Variants in ZNF630 observed in about 807,000 individuals in gnomAD.
ZNF630 encodes zinc finger protein 630.
A neutral mutation model predicts 7.2 loss-of-function variants in ZNF630; 5 were observed. The observed-to-expected ratio is 0.70, with a 90% CI of 0.36 to 1.46. The LOEUF (loss-of-function observed/expected upper bound fraction) is 1.46. Among genes scored for constraint, ZNF630 ranks in the 40% most tolerant of loss-of-function variants. The pLI, the probability that ZNF630 is intolerant of heterozygous loss-of-function variation, is 0.03. For synonymous variants in ZNF630, 158 were observed against 162.8 expected (o/e 0.97, Z 0.23); for missense variants, 461 against 477.0 (o/e 0.97, Z 0.31).
chrX:48,070,660 CAG>C (rs1181498000), intron 1 of ZNF630, among the ~76,000 whole-genome samples: 1 of 103,348 alleles, frequency 9.7e-6, no homozygotes, highest in Non-Finnish European at 2.0e-5. Context: ...AAGAAAAGGG[CAG>C]AGAGTCCAAC....
chrX:48,061,094 C>T (rs2059103579), intron 2 of ZNF630, 149 bp from the exon 3 acceptor site: 5 of 384,150 alleles, frequency 1.3e-5, no homozygotes, highest in Admixed American at 5.1e-5. Context: ...GTTAGTGGAA[C>T]AGAACAGACA....
chrX:48,063,170 GA>G (rs1556909515), intron 2 of ZNF630, among the ~76,000 whole-genome samples: 1 of 100,100 alleles, frequency 1.0e-5, no homozygotes, highest in Non-Finnish European at 2.0e-5. Context: ...GATACAGCAG[GA>G]AAAAAAACCT....
At chrX:48,069,841 G>GTTTTTTTTTTTTTTTT (rs1210374790) in intron 1 of ZNF630, among the ~76,000 whole-genome samples, 6 of 41,098 alleles carry the variant, frequency 1.5e-4, no homozygotes, top group Non-Finnish European at 2.2e-4. Context: ...GACATTGTCT[G>GTTTTTTTTTTTTTTTT]TTTTTTTTTT....
rs1349888550 is a variant in ZNF630 at position 48,060,533 on chromosome X, A to G, written c.155T>C (p.Ile52Thr). The G allele has an allele frequency of 8.3e-7, 1 of 1,201,907 alleles. No individual in the cohort carries two copies. Among genetic ancestry groups the G allele is most frequent in the African/African-American group, 1.8e-5 (1 of 57,134 alleles). Reference protein sequence around the residue: ...NHLVSVGCSGIKPDVIFKLEH... With the variant: ...NHLVSVGCSGTKPDVIFKLEH... ...CAACTTAAAGATTACATCTGGTTTT[A>G]TACCTGAACACCCTGTTAAGAGAAA... is the stretch of plus-strand genomic sequence containing the variant. The change falls in exon 4 of 5, where the codon ATA becomes ACA. Residue 52 changes from isoleucine (I) to threonine (T), a missense_variant. Ile to Thr is a moderately conservative substitution (Grantham distance 89). Transcript: ENST00000276054.
At chrX:48,067,459 T>A (rs1556910238) in intron 1 of ZNF630, among the ~76,000 whole-genome samples, 1 of 111,802 alleles carries the variant, frequency 8.9e-6, no homozygotes, top group African/African-American at 3.3e-5. Context: ...CATGTATGGA[T>A]GAAAATATGT....
intron 4 of ZNF630, 56 bp from the exon 5 acceptor site, chrX:48,060,259 A>G: frequency 1.2e-6 from 1 of 869,096 alleles, no homozygotes; most frequent in Non-Finnish European, 1.6e-6. Context: ...ACACACACAC[A>G]CACACACACA....
intron 2 of ZNF630, 164 bp downstream of exon 2, chrX:48,066,708 T>G: frequency 1.7e-6 from 1 of 584,513 alleles, no homozygotes; most frequent in Non-Finnish European, 2.7e-6. Context: ...TAGTCAAAAT[T>G]TTAGCTAAGT....
intron 2 of ZNF630, among the ~76,000 whole-genome samples, chrX:48,064,872 T>A (rs781939121): frequency 3.6e-5 from 4 of 112,096 alleles, no homozygotes; most frequent in African/African-American, 1.3e-4. Context: ...AAATAAAGTG[T>A]TATTGAATCA....
At chrX:48,064,179 G>T (rs781924632) in intron 2 of ZNF630, among the ~76,000 whole-genome samples, 1 of 110,632 alleles carries the variant, frequency 9.0e-6, no homozygotes, top group East Asian at 2.8e-4. Flanking sequence ...TTAATCCCAC[G>T]ATATTTTATA....
chrX:48,058,296 G>A lies in ZNF630; in HGVS notation c.*172C>T. The A allele has an allele frequency of 2.4e-6, 1 of 408,490 alleles. No homozygotes were observed. 33.7% of individuals were successfully genotyped at this position (408,490 alleles called of 1,213,427 possible). On this transcript the variant is annotated 3_prime_UTR_variant, in exon 5 of 5. Transcript: ENST00000276054. ...GTGAGCAAATTGATTCCATATTTGT[G>A]ATGTTGAAAATATTCTGAGGGCCTA...
Position 48,060,489 on chromosome X carries a change from A to G in ZNF630, c.199T>C (p.Trp67Arg), listed in dbSNP as rs1252865081. The change falls in exon 4 of 5, where the codon TGG (tryptophan) becomes CGG (arginine). Residue 67 changes from tryptophan to arginine, a missense_variant. By Grantham distance (101) the Trp-to-Arg change is moderately radical. Coordinates refer to ENST00000276054, the MANE Select transcript of ZNF630 (RefSeq NM_001282201.2). ...CTTGACAACTCACTCTCTATGATCC[A>G]TGGGTCCTTTCCATGTTCCAACTTA... Reference protein sequence around the residue: ...IFKLEHGKDPWIIESELSRWI... With the variant: ...IFKLEHGKDPRIIESELSRWI... The G allele has an allele frequency of 6.6e-6, 8 of 1,205,625 alleles. No individual in the cohort carries two copies. Among genetic ancestry groups the G allele is most frequent in the Non-Finnish European group, 9.0e-6 (8 of 892,408 alleles).
At chrX:48,061,283 A>T (rs1556909162) in intron 2 of ZNF630, among the ~76,000 whole-genome samples, 1 of 111,703 alleles carries the variant, frequency 9.0e-6, no homozygotes, top group Non-Finnish European at 1.9e-5. Context: ...AAATGAAAAA[A>T]GAGAAACTAT....
rs2059095351 is a variant in ZNF630 at position 48,059,995 on chromosome X, ATCAG to A, written c.443_446del (p.Thr148MetfsTer23). On this transcript the variant is annotated frameshift_variant, in exon 5 of 5. Coordinates refer to ENST00000276054, the MANE Select transcript of ZNF630 (RefSeq NM_001282201.2). LOFTEE classifies it low-confidence loss of function (END_TRUNC). The stretch of plus-strand genomic sequence containing the variant: ...ATGCACTGTACTTGGAACCCATCTC[ATCAG>A]TCAATGTTTCACGACTGATGACTGT... 8.3e-7 allele frequency: 1 copy of A among 1,205,386 alleles called. No individual in the cohort carries two copies. The highest frequency in any genetic ancestry group is 1.8e-5 in the African/African-American group (1 of 56,635).
Position 48,057,976 on chromosome X carries a change from A to C in ZNF630, c.*492T>G, listed in dbSNP as rs1213654356. ...GAGGGCGAGGCAGGACAATCGCTCA[A>C]ACCTAGGAGGTGGAGGTTGCAGTGA... On this transcript the variant is annotated 3_prime_UTR_variant, in exon 5 of 5. Transcript: ENST00000276054. 9.0e-6 allele frequency among the ~76,000 whole-genome samples: 1 copy of C among 110,919 alleles called. No homozygotes were observed. The highest frequency in any genetic ancestry group is 1.9e-5 in the Non-Finnish European group (1 of 52,996).
chrX:48,066,260 TC>T (rs1353419472), intron 2 of ZNF630: 2 of 108,305 alleles, frequency 1.8e-5, no homozygotes, highest in South Asian at 3.9e-4. Flanking sequence ...ATATTTCACT[TC>T]CTTTTTTTTT....
rs1403449346 is a variant in ZNF630, at chrX:48,071,576, A to G, written c.-485T>C. 1 of 110,853 alleles carries G rather than the reference A, an allele frequency of 9.0e-6. No homozygotes were observed. Among genetic ancestry groups the G allele is most frequent in the African/African-American group, 3.3e-5 (1 of 30,320 alleles). 9.1% of individuals were successfully genotyped at this position (110,853 alleles called of 1,213,427 possible). A position where few individuals can be genotyped will look rare whatever the true frequency, so the allele number is the denominator to read the frequency against. ...CCTCGTGATATCTCCGAGTTTGGGT[A>G]TTCGGAATTGATCCTACGAAAGCAG... On this transcript the variant is annotated 5_prime_UTR_variant, in exon 1 of 5. Coordinates refer to ENST00000276054, the MANE Select transcript of ZNF630 (RefSeq NM_001282201.2).
intron 2 of ZNF630, among the ~76,000 whole-genome samples, chrX:48,063,477 G>A (rs189023511): frequency 9.0e-6 from 1 of 111,349 alleles, no homozygotes; most frequent in Non-Finnish European, 1.9e-5. Context: ...AAAACAACAA[G>A]AATGAAAAAA....
At chrX:48,063,749 G>A (rs1202810461) in intron 2 of ZNF630, among the ~76,000 whole-genome samples, 6 of 110,372 alleles carry the variant, frequency 5.4e-5, no homozygotes, top group Non-Finnish European at 9.5e-5. Context: ...TTAGCCGGGC[G>A]TGGTGGCAGG....
Position 48,059,780 on chromosome X carries a change from A to G in ZNF630, c.662T>C (p.Val221Ala), listed in dbSNP as rs1556908747. The change falls in exon 5 of 5, where the codon GTG (valine) becomes GCG (alanine). Residue 221 changes from valine (V) to alanine (A), a missense_variant. By Grantham distance (64) the Val-to-Ala change is moderately conservative. Transcript: ENST00000276054. ...ATGAATGAAGCCTTCCTTCTCAGGC[A>G]CAGAACAGGAAGCATTATACTTAGG... ...RPPKYNASCS[V>A]PEKEGFIHTG... 3 of 1,206,973 alleles carry G rather than the reference A, an allele frequency of 2.5e-6. No individual in the cohort carries two copies. Among genetic ancestry groups the G allele is most frequent in the African/African-American group, 3.5e-5 (2 of 56,782 alleles).
Sources: allele counts gnomAD v4.1 joint callset (sites outside exome capture counted in the v4.1 genomes callset), GRCh38; gene constraint gnomAD v4.1.1; transcripts MANE v1.5; gene names NCBI Gene and HGNC (gene_info 2026-07-23, HGNC 2026-07-21).